The following APP variants were observed in gnomAD, a reference collection of about 807,000 sequenced individuals.
The protein encoded by APP is amyloid beta precursor protein, also known as amyloid-beta precursor protein.
Under a neutral mutation model 101.4 loss-of-function variants are expected in APP, and 31 were observed. The ratio of observed to expected loss-of-function variants is 0.31; its 90% CI spans 0.23 to 0.41. The LOEUF (loss-of-function observed/expected upper bound fraction) is 0.41, where lower values mean the gene tolerates loss of function less well. Ranked by LOEUF, APP falls within the 10% of genes least tolerant of loss-of-function variation. APP has a pLI of 1.00. For missense variants in APP, 839 were observed against 1,003.7 expected (o/e 0.84, Z 2.22); for synonymous variants, 366 against 364.4 (o/e 1.00, Z -0.05).
chr21:25,931,571 C>A (rs1202179571), intron 13 of APP, among the ~76,000 whole-genome samples: 3 of 152,096 alleles, frequency 2.0e-5, no homozygotes, highest in Non-Finnish European at 4.4e-5. Context: ...CCAGACAAGT[C>A]AGCAGTAAAA....
At chr21:25,948,807 G>A (rs1351415930) in intron 13 of APP, among the ~76,000 whole-genome samples, 1 of 152,096 alleles carries the variant, frequency 6.6e-6, no homozygotes, top group African/African-American at 2.4e-5. Flanking sequence ...AGATTACAAA[G>A]GACAAAGAAA....
At position 25,909,155 on chromosome 21, in the gene APP, C is replaced by T. The variant is rs145724730; in HGVS notation, c.1909+2586G>A. On this transcript the variant is annotated intron_variant, in intron 14 of 17. Transcript: ENST00000346798. ...GCGGGTACCTATAGTCCCAGCTACT[C>T]GGGAGGCTGAAGCAAGAAAATGGCA... 4.1e-3 allele frequency among the ~76,000 whole-genome samples: 619 copies of T among 149,950 alleles called. 2 individuals carry two copies. The highest frequency in any genetic ancestry group is 0.013 in the African/African-American group (542 of 40,618).
intron 17 of APP, among the ~76,000 whole-genome samples, chr21:25,888,815 A>C (rs1426745049): frequency 6.6e-6 from 1 of 152,236 alleles, no homozygotes; most frequent in African/African-American, 2.4e-5. Flanking sequence ...AGAGCACTTA[A>C]AAGGCAACCG....
Position 25,948,161 on chromosome 21 carries a change from A to ATTTTTTTTTTTTTT in APP, c.1687+6428_1687+6429insAAAAAAAAAAAAAA, listed in dbSNP as rs59620258. 1.4e-5 allele frequency among the ~76,000 whole-genome samples: 2 copies of ATTTTTTTTTTTTTT among 147,434 alleles called. 1 individual carries two copies. On this transcript the variant is annotated intron_variant, in intron 13 of 17. Transcript: ENST00000346798. The stretch of plus-strand genomic sequence containing the variant: ...TGACAGCTCTCTATTTGCTGTTATG[A>ATTTTTTTTTTTTTT]TTTTTTTTTTTTGATGTTCATCCTT...
At chr21:26,106,465 T>C (rs1437050855) in intron 2 of APP, among the ~76,000 whole-genome samples, 1 of 152,158 alleles carries the variant, frequency 6.6e-6, no homozygotes, top group African/African-American at 2.4e-5. Flanking sequence ...GAAAAGGAGA[T>C]GTTCCCTCCC....
chr21:25,980,935 G>A (rs950964929), intron 9 of APP, among the ~76,000 whole-genome samples: 3 of 152,152 alleles, frequency 2.0e-5, no homozygotes, highest in African/African-American at 7.2e-5. Flanking sequence ...GGTTTTCATG[G>A]AAAGAATGAG....
At chr21:26,012,753 C>G (rs2043866283) in intron 6 of APP, among the ~76,000 whole-genome samples, 1 of 152,124 alleles carries the variant, frequency 6.6e-6, no homozygotes, top group African/African-American at 2.4e-5. Flanking sequence ...GTGGGTGAAT[C>G]ACCTGAGGTC....
intron 3 of APP, 120 bp downstream of exon 3, chr21:26,089,823 C>T: frequency 6.8e-7 from 1 of 1,480,534 alleles, no homozygotes; most frequent in African/African-American, 1.4e-5. Flanking sequence ...CACAGTACAA[C>T]ACAGAGTGGC....
chr21:25,933,257 C>G (rs1434392132), intron 13 of APP, among the ~76,000 whole-genome samples: 1 of 152,138 alleles, frequency 6.6e-6, no homozygotes, highest in African/African-American at 2.4e-5. Flanking sequence ...CACCATCACA[C>G]CTGGCTAATT....
chr21:26,010,162 C>T (rs2043726967), intron 6 of APP, among the ~76,000 whole-genome samples: 1 of 151,432 alleles, frequency 6.6e-6, no homozygotes, highest in Admixed American at 6.6e-5. Flanking sequence ...ATGCTAATCA[C>T]CATTTGCTAT....
At chr21:25,982,620 G>A in intron 8 of APP, 143 bp from the exon 9 acceptor site, 1 of 726,136 alleles carries the variant, frequency 1.4e-6, no homozygotes, top group African/African-American at 1.8e-5. Context: ...CGTTAATGCT[G>A]TTTAAGAGAA....
intron 11 of APP, among the ~76,000 whole-genome samples, chr21:25,971,812 T>C (rs550700769): frequency 6.6e-6 from 1 of 152,318 alleles, no homozygotes; most frequent in East Asian, 1.9e-4. Context: ...GCCTCACTAG[T>C]AAGGAATAAC....
chr21:26,012,934 C>T (rs970000296), intron 6 of APP, among the ~76,000 whole-genome samples: 4 of 151,934 alleles, frequency 2.6e-5, no homozygotes, highest in African/African-American at 7.3e-5. Context: ...GAGCCAAGAT[C>T]GTGCCACTGA....
At chr21:25,979,271 C>T (rs139601628) in intron 9 of APP, among the ~76,000 whole-genome samples, 2,038 of 152,126 alleles carry the variant, frequency 0.013, 44 homozygotes, top group African/African-American at 0.046. Flanking sequence ...TTTAAAAAAC[C>T]GCACAATTTT....
At chr21:25,943,616 T>C (rs1002012798) in intron 13 of APP, among the ~76,000 whole-genome samples, 1 of 151,894 alleles carries the variant, frequency 6.6e-6, no homozygotes, top group African/African-American at 2.4e-5. Context: ...GCCCGGCTAA[T>C]TTTTTTATTT....
intron 17 of APP, among the ~76,000 whole-genome samples, chr21:25,887,838 T>G (rs2037437099): frequency 6.6e-6 from 1 of 152,212 alleles, no homozygotes; most frequent in Non-Finnish European, 1.5e-5. Context: ...TAGATTTATG[T>G]ACATGTACTT....
chr21:26,100,928 G>T (rs904616764), intron 2 of APP, among the ~76,000 whole-genome samples: 13 of 152,086 alleles, frequency 8.5e-5, no homozygotes, highest in African/African-American at 3.1e-4. Flanking sequence ...GGCTTAACCT[G>T]TTCAAAGTTC....
At chr21:25,896,543 T>C (rs2038062931) in intron 16 of APP, among the ~76,000 whole-genome samples, 1 of 152,210 alleles carries the variant, frequency 6.6e-6, no homozygotes, top group Non-Finnish European at 1.5e-5. Flanking sequence ...GTCGTCTTCA[T>C]TAATTTAACC....
chr21:26,083,474 G>GA (rs2061638325), intron 3 of APP, among the ~76,000 whole-genome samples: 1 of 152,096 alleles, frequency 6.6e-6, no homozygotes. Flanking sequence ...AAACATACAT[G>GA]AAAAAAATGT....
Sources: gnomAD v4.1 joint callset for allele counts (sites outside exome capture counted in the v4.1 genomes callset) on GRCh38, gnomAD v4.1.1 for gene constraint, MANE v1.5 for transcripts, NCBI Gene and HGNC (gene_info 2026-07-23, HGNC 2026-07-21) for gene names.